Variants in PPP2R5A observed in about 807,000 individuals in gnomAD.
PPP2R5A encodes the protein protein phosphatase 2 regulatory subunit B'alpha.
PPP2R5A carries 25 observed loss-of-function variants against 64.2 expected under a neutral mutation model. The observed-to-expected ratio is 0.39, with a 90% CI of 0.28 to 0.54. The LOEUF (loss-of-function observed/expected upper bound fraction) is 0.54, where lower values mean the gene tolerates loss of function less well. PPP2R5A is among the 20% of genes least tolerant of loss of function. The pLI, the probability that PPP2R5A is intolerant of heterozygous loss-of-function variation, is 0.67. For missense variants in PPP2R5A, 425 were observed against 576.3 expected, an observed-to-expected ratio of 0.74 and a Z score of 2.69; for synonymous variants, 198 against 201.2, an observed-to-expected ratio of 0.98 and a Z score of 0.13.
At chr1:212,312,990 T>G (rs1036848710) in intron 1 of PPP2R5A, among the ~76,000 whole-genome samples, 17 of 152,268 alleles carry the variant, frequency 1.1e-4, no homozygotes, top group African/African-American at 3.8e-4. Context: ...ATAGAGAAAA[T>G]AGAAAGTTCC....
chr1:212,360,397 T>C (rs1253919624), intron 12 of PPP2R5A, among the ~76,000 whole-genome samples: 1 of 152,188 alleles, frequency 6.6e-6, no homozygotes, highest in Non-Finnish European at 1.5e-5. Flanking sequence ...GTAGTGATAA[T>C]GTGTAGGGGA....
At chr1:212,317,716 A>G (rs1558145243) in intron 1 of PPP2R5A, among the ~76,000 whole-genome samples, 1 of 152,190 alleles carries the variant, frequency 6.6e-6, no homozygotes, top group Non-Finnish European at 1.5e-5. Flanking sequence ...GGCCAGGTTC[A>G]GTGGCTTACG....
At chr1:212,302,446 A>AT (rs1268687963) in intron 1 of PPP2R5A, among the ~76,000 whole-genome samples, 2 of 152,192 alleles carry the variant, frequency 1.3e-5, no homozygotes, top group Non-Finnish European at 2.9e-5. Context: ...TATGTGTTGT[A>AT]TACACATTGG....
chr1:212,322,770 T>TATTC (rs1659333369), intron 1 of PPP2R5A, among the ~76,000 whole-genome samples: 1 of 150,424 alleles, frequency 6.6e-6, no homozygotes, highest in Non-Finnish European at 1.5e-5. Context: ...TTTATTTATT[T>TATTC]ATTTATTTAT....
intron 1 of PPP2R5A, among the ~76,000 whole-genome samples, chr1:212,292,234 T>C (rs777857983): frequency 5.3e-5 from 8 of 152,244 alleles, no homozygotes; most frequent in Non-Finnish European, 1.0e-4. Context: ...TATTCCTATT[T>C]TGTCTTTGTC....
chr1:212,321,795 G>A (rs1290539230), intron 1 of PPP2R5A, among the ~76,000 whole-genome samples: 2 of 151,684 alleles, frequency 1.3e-5, no homozygotes, highest in Non-Finnish European at 2.9e-5. Context: ...TGGCCGCCGG[G>A]CAGAGGCTGC....
chr1:212,315,343 C>T (rs558584881), intron 1 of PPP2R5A, among the ~76,000 whole-genome samples: 189 of 152,288 alleles, frequency 1.2e-3, no homozygotes, highest in Non-Finnish European at 2.2e-3. Flanking sequence ...ACTGGACTTA[C>T]TGTCTATTGA....
chr1:212,348,508 G>C lies in PPP2R5A; in HGVS notation c.873+11G>C. ...TTGTTTCATGCTCAGGTAAGTTTCAGAAACATTTCAGATGAAATGAATATT... is the reference window on the plus strand; with the variant it reads ...TTGTTTCATGCTCAGGTAAGTTTCACAAACATTTCAGATGAAATGAATATT... On this transcript the variant is annotated intron_variant, in intron 7 of 12. Transcript: ENST00000261461. The C allele has an allele frequency of 6.6e-7, 1 of 1,511,198 alleles. No homozygotes were observed. The highest frequency in any genetic ancestry group is 9.1e-7 in the Non-Finnish European group (1 of 1,097,330). The allele number at this position is 1,511,198 out of a possible 1,614,324, so 93.6% of individuals were successfully genotyped here. A position where few individuals can be genotyped will look rare whatever the true frequency, so the allele number is the denominator to read the frequency against.
chr1:212,331,793 C>T (rs1659510219), intron 2 of PPP2R5A: 1 of 151,760 alleles, frequency 6.6e-6, no homozygotes. Context: ...ATTTCTTTGC[C>T]CAAGTAAAAA....
intron 1 of PPP2R5A, among the ~76,000 whole-genome samples, chr1:212,302,834 TTATAA>T (rs1658823347): frequency 6.6e-6 from 1 of 152,352 alleles, no homozygotes; most frequent in African/African-American, 2.4e-5. Context: ...GAATGGAATA[TTATAA>T]TATGTCGTCT....
At chr1:212,332,791 G>T (rs1264002537) in intron 2 of PPP2R5A, among the ~76,000 whole-genome samples, 2 of 152,150 alleles carry the variant, frequency 1.3e-5, no homozygotes, top group African/African-American at 4.8e-5. Flanking sequence ...TTATAGAAAG[G>T]TGAAATGAAT....
At position 212,311,552 on chromosome 1, in the gene PPP2R5A, A is replaced by G. The variant is rs537759629; in HGVS notation, c.182-17583A>G. ...AATGTTACTGGCTTATGTATTTATT[A>G]TACTATTTTTATCATTATTTTAGAG... On this transcript the variant is annotated intron_variant, in intron 1 of 12. Coordinates refer to ENST00000261461, the MANE Select transcript of PPP2R5A (RefSeq NM_006243.4). 1.4e-4 allele frequency among the ~76,000 whole-genome samples: 21 copies of G among 152,216 alleles called. No individual in the cohort carries two copies. The South Asian group carries it at 4.4e-3, about 32-fold the overall frequency.
chr1:212,328,258 A>G (rs569413109), intron 1 of PPP2R5A, among the ~76,000 whole-genome samples: 12 of 152,338 alleles, frequency 7.9e-5, no homozygotes, highest in African/African-American at 2.9e-4. Flanking sequence ...TCAGTACCAT[A>G]AGGAAAGCTT....
rs1032822478 is a variant in PPP2R5A at position 212,361,425 on chromosome 1, A to G, written c.*655A>G. 9 of 152,680 alleles carry G rather than the reference A, an allele frequency of 5.9e-5. No homozygotes were observed. Among genetic ancestry groups the G allele is most frequent in the Non-Finnish European group, 1.2e-4 (8 of 68,050 alleles). 9.5% of individuals were successfully genotyped at this position (152,680 alleles called of 1,614,324 possible). ...TCATGAATATCCCCCTTCCTCTGCA[A>G]TTCTCCAGAGTGGTAACAGATGGGT... On this transcript the variant is annotated 3_prime_UTR_variant, in exon 13 of 13. Transcript: ENST00000261461.
At chr1:212,330,852 CAAA>C (rs767640542) in intron 2 of PPP2R5A, among the ~76,000 whole-genome samples, 1 of 149,574 alleles carries the variant, frequency 6.7e-6, no homozygotes, top group East Asian at 2.0e-4. Context: ...TAAAAGCCTT[CAAA>C]AAAAAATTTT....
chr1:212,293,685 C>T (rs373487453), intron 1 of PPP2R5A, among the ~76,000 whole-genome samples: 2 of 151,828 alleles, frequency 1.3e-5, no homozygotes, highest in African/African-American at 2.4e-5. Flanking sequence ...GCTGAAGAAA[C>T]ATACTGGAAT....
At chr1:212,307,625 A>G (rs1658945067) in intron 1 of PPP2R5A, among the ~76,000 whole-genome samples, 1 of 152,204 alleles carries the variant, frequency 6.6e-6, no homozygotes, top group South Asian at 2.1e-4. Context: ...AAATCAGGTA[A>G]GAGAAGAAAG....
rs1188887071 is a variant in PPP2R5A at position 212,297,114 on chromosome 1, TTTTTTTTTTTTTTTTTTTTTTTTTG to T, written c.181+10824_181+10848del. 6.6e-3 allele frequency among the ~76,000 whole-genome samples: 119 copies of T among 17,896 alleles called. 4 individuals are homozygous for T. The highest frequency in any genetic ancestry group is 0.016 in the East Asian group (13 of 790). 11.7% of individuals were successfully genotyped at this position (17,896 alleles called of 152,430 possible). On this transcript the variant is annotated intron_variant, in intron 1 of 12. Coordinates refer to ENST00000261461, the MANE Select transcript of PPP2R5A (RefSeq NM_006243.4). ...GCTTCTTCTTTTTTTTTTTTTTTTTTTTTTTTTTTTTTTTTTTTTTTTTTGGAGACGGAGTCTCACTCTATCGCCC... is the reference window on the plus strand; with the variant it reads ...GCTTCTTCTTTTTTTTTTTTTTTTTTGAGACGGAGTCTCACTCTATCGCCC...
intron 1 of PPP2R5A, among the ~76,000 whole-genome samples, chr1:212,311,027 C>A (rs769511074): frequency 6.6e-6 from 1 of 152,054 alleles, no homozygotes; most frequent in Non-Finnish European, 1.5e-5. Context: ...TGGTCCATGA[C>A]GTGGTATATA....
Sources: gnomAD v4.1 joint callset for allele counts (sites outside exome capture counted in the v4.1 genomes callset) on GRCh38, gnomAD v4.1.1 for gene constraint, MANE v1.5 for transcripts, NCBI Gene and HGNC (gene_info 2026-07-23, HGNC 2026-07-21) for gene names.